Variants in RBFOX1 observed in about 807,000 individuals in gnomAD.
The protein encoded by RBFOX1 is RNA binding fox-1 homolog 1.
RBFOX1 carries 8 observed loss-of-function variants against 57.7 expected under a neutral mutation model. The ratio of observed to expected loss-of-function variants is 0.14; its 90% CI spans 0.08 to 0.25. The LOEUF is 0.25. Ranked by LOEUF, RBFOX1 falls within the 10% of genes least tolerant of loss-of-function variation. The pLI is 1.00. For synonymous variants in RBFOX1, 326 were observed against 222.4 expected (o/e 1.47, Z -4.15); for missense variants, 611 against 548.5 (o/e 1.11, Z -1.14).
chr16:6,033,896 G>T (rs749530067), intron 1 of RBFOX1, among the ~76,000 whole-genome samples: 29 of 152,172 alleles, frequency 1.9e-4, no homozygotes, highest in African/African-American at 6.3e-4. Context: ...TGGATGAATG[G>T]GGTTTAGAAC....
intron 3 of RBFOX1, among the ~76,000 whole-genome samples, chr16:6,882,639 C>T (rs988543559): frequency 6.6e-6 from 1 of 152,004 alleles, no homozygotes. Context: ...TTGCAGAGTC[C>T]TCAGTGCAGT....
chr16:6,553,986 C>G (rs11077048), intron 2 of RBFOX1, among the ~76,000 whole-genome samples: 3,284 of 152,078 alleles, frequency 0.022, 43 homozygotes, highest in Middle Eastern at 0.082. Flanking sequence ...TTTGGAAACC[C>G]CAGGGTCTGG....
At chr16:6,509,438 A>G (rs1477075713) in intron 2 of RBFOX1, among the ~76,000 whole-genome samples, 4 of 152,214 alleles carry the variant, frequency 2.6e-5, no homozygotes, top group Non-Finnish European at 5.9e-5. Flanking sequence ...AGGCACAGAA[A>G]GAGGAACTTT....
chr16:6,020,129 A>G (rs181200917), intron 1 of RBFOX1, 137 bp downstream of exon 1: 308 of 1,052,552 alleles, frequency 2.9e-4, no homozygotes, highest in Admixed American at 2.6e-3. Context: ...CTGGACGGGA[A>G]CTTTTTCAGG....
At chr16:6,868,431 C>T (rs1603634476) in intron 3 of RBFOX1, among the ~76,000 whole-genome samples, 2 of 151,794 alleles carry the variant, frequency 1.3e-5, no homozygotes, top group African/African-American at 2.4e-5. Context: ...GTTGCCAGGG[C>T]GAGGTAGGAA....
At chr16:6,780,179 TTATA>T (rs1252833927) in intron 3 of RBFOX1, among the ~76,000 whole-genome samples, 2 of 20,176 alleles carry the variant, frequency 9.9e-5, no homozygotes, top group African/African-American at 4.0e-4. Context: ...TTTTATATAT[TTATA>T]TATATATTTA....
chr16:7,250,528 T>C (rs2094465638), intron 4 of RBFOX1, among the ~76,000 whole-genome samples: 1 of 152,224 alleles, frequency 6.6e-6, no homozygotes, highest in South Asian at 2.1e-4. Flanking sequence ...CTTTAGTTAG[T>C]TTTTATCCCC....
At chr16:6,890,062 A>G (rs1056751813) in intron 3 of RBFOX1, among the ~76,000 whole-genome samples, 1 of 152,324 alleles carries the variant, frequency 6.6e-6, no homozygotes, top group East Asian at 1.9e-4. Flanking sequence ...GATTTTATAG[A>G]TTTTCTTTTA....
At chr16:6,594,017 G>C (rs1427955291) in intron 2 of RBFOX1, among the ~76,000 whole-genome samples, 1 of 152,100 alleles carries the variant, frequency 6.6e-6, no homozygotes, top group African/African-American at 2.4e-5. Flanking sequence ...TTACAGCTTG[G>C]ACTGAATATT....
chr16:6,637,151 CAA>C lies in RBFOX1; in HGVS notation c.-63-17451_-63-17450del, dbSNP rs1567984254. On this transcript the variant is annotated intron_variant, in intron 2 of 15. Transcript: ENST00000550418. ...TATTATATATTAAATATATAATATACAATATATATTATATATTATATATATTA... is the reference window on the plus strand; with the variant it reads ...TATTATATATTAAATATATAATATACTATATATTATATATTATATATATTA... 7.5e-5 allele frequency among the ~76,000 whole-genome samples: 6 copies of C among 80,016 alleles called. 1 individual carries two copies. The East Asian group carries it at 9.5e-4, about 13-fold the overall frequency. 52.5% of individuals were successfully genotyped at this position (80,016 alleles called of 152,430 possible).
chr16:5,826,320 T>G (rs2056054177), intron 3 of RBFOX1, among the ~76,000 whole-genome samples: 2 of 152,140 alleles, frequency 1.3e-5, no homozygotes, highest in Admixed American at 6.5e-5. Context: ...CAAACCACAG[T>G]TGTATTAGCA....
intron 4 of RBFOX1, among the ~76,000 whole-genome samples, chr16:7,465,979 C>G (rs1489876346): frequency 1.3e-5 from 2 of 152,212 alleles, no homozygotes; most frequent in Non-Finnish European, 2.9e-5. Context: ...AGACATCTCT[C>G]TAACAGATCT....
At chr16:7,367,022 G>C (rs1199454524) in intron 4 of RBFOX1, among the ~76,000 whole-genome samples, 2 of 151,708 alleles carry the variant, frequency 1.3e-5, no homozygotes, top group East Asian at 3.9e-4. Flanking sequence ...TTGCAGATGG[G>C]TTTTCTGGCT....
At chr16:6,088,741 C>T (rs1446428451) in intron 1 of RBFOX1, among the ~76,000 whole-genome samples, 1 of 152,144 alleles carries the variant, frequency 6.6e-6, no homozygotes, top group African/African-American at 2.4e-5. Context: ...GTAGGTATTA[C>T]ATGTAAAACT....
chr16:6,842,973 C>T (rs1257549500), intron 3 of RBFOX1, among the ~76,000 whole-genome samples: 1 of 152,138 alleles, frequency 6.6e-6, no homozygotes, highest in African/African-American at 2.4e-5. Flanking sequence ...TTTCCAGGTT[C>T]ATCCATGTCC....
At chr16:5,654,151 G>A (rs1003273593) in intron 3 of RBFOX1, among the ~76,000 whole-genome samples, 2 of 152,192 alleles carry the variant, frequency 1.3e-5, no homozygotes, top group African/African-American at 4.8e-5. Context: ...CAGTCTGGAC[G>A]AGTCGTTTTC....
chr16:5,894,198 T>C (rs544599095), intron 4 of RBFOX1, among the ~76,000 whole-genome samples: 2 of 152,372 alleles, frequency 1.3e-5, no homozygotes, highest in East Asian at 3.9e-4. Context: ...CCACTCTGTT[T>C]CTTTTAGTGT....
chr16:5,670,037 G>C (rs1267464710), intron 3 of RBFOX1, among the ~76,000 whole-genome samples: 1 of 152,194 alleles, frequency 6.6e-6, no homozygotes, highest in African/African-American at 2.4e-5. Context: ...GAGCTAAAAT[G>C]TAGATGAACC....
At chr16:6,721,391 C>T (rs771185487) in intron 3 of RBFOX1, among the ~76,000 whole-genome samples, 2 of 152,104 alleles carry the variant, frequency 1.3e-5, no homozygotes, top group Non-Finnish European at 2.9e-5. Flanking sequence ...TACAGTGAGC[C>T]GAGATCATGC....
Sources: allele counts gnomAD v4.1 joint callset (sites outside exome capture counted in the v4.1 genomes callset), GRCh38; gene constraint gnomAD v4.1.1; transcripts MANE v1.5; gene names NCBI Gene and HGNC (gene_info 2026-07-23, HGNC 2026-07-21).